The following EFCAB7 variants were observed in gnomAD, a reference collection of about 807,000 sequenced individuals.
The protein encoded by EFCAB7 is EF-hand calcium-binding domain-containing protein 7.
A neutral mutation model predicts 77.1 loss-of-function variants in EFCAB7; 66 were observed. The observed-to-expected ratio is 0.86, with a 90% CI of 0.70 to 1.05. EFCAB7 has a LOEUF of 1.05. Ranked by LOEUF, EFCAB7 falls within the 50% of genes least tolerant of loss-of-function variation. The probability of loss-of-function intolerance (pLI) is 0.00; values close to 1 mark genes in which losing one functional copy is unlikely to be tolerated. For synonymous variants in EFCAB7, 225 were observed against 243.3 expected (o/e 0.92, Z 0.70); for missense variants, 638 against 730.5 (o/e 0.87, Z 1.46).
In EFCAB7 at chr1:63,532,672, A is replaced by T; in HGVS notation, c.402A>T (p.Arg134Ser). 6.3e-7 allele frequency: 1 copy of T among 1,579,184 alleles called. No individual in the cohort carries two copies. Among genetic ancestry groups the T allele is most frequent in the Non-Finnish European group, 8.6e-7 (1 of 1,168,686 alleles). ...TAAATCTTGTTTTTTTTTTTCAGAG[A>T]GGTGAGAAGATGACTCGAGAAGAAG... ...HTDLYKFLTK[R>S]GEKMTREEVN... Residue 134 changes from arginine (R) to serine (S), a missense_variant and splice_region_variant, in exon 4 of 14, where the codon AGA becomes AGT. Coordinates refer to ENST00000371088, the MANE Select transcript of EFCAB7 (RefSeq NM_032437.4).
chr1:63,554,431 C>A (rs967208476), intron 8 of EFCAB7, among the ~76,000 whole-genome samples: 7 of 152,166 alleles, frequency 4.6e-5, no homozygotes, highest in East Asian at 1.9e-4. Flanking sequence ...ACCTCCACCT[C>A]CGGGTTCAAG....
At chr1:63,584,247 AAAAAAGTCAGAC>A in the EFCAB7 span, among the ~76,000 whole-genome samples, 1 of 152,198 alleles carries the variant, frequency 6.6e-6, no homozygotes, top group African/African-American at 2.4e-5. Flanking sequence ...ATGAGAAAGC[AAAAAAGTCAGAC>A]AAAAATTACA....
intron 2 of EFCAB7, among the ~76,000 whole-genome samples, chr1:63,530,920 A>G (rs974941576): frequency 6.6e-6 from 1 of 152,206 alleles, no homozygotes; most frequent in Non-Finnish European, 1.5e-5. Flanking sequence ...TTGACATTTC[A>G]ATACATTTAT....
intron 11 of EFCAB7, among the ~76,000 whole-genome samples, chr1:63,562,473 ATATATATATATATATATATAT>A (rs1647118198): frequency 2.5e-5 from 2 of 81,390 alleles, no homozygotes; most frequent in Admixed American, 1.2e-4. Flanking sequence ...ATATATATAT[ATATATATATATATATATATAT>A]AAAACTTTTT....
At chr1:63,533,409 T>C (rs373427100) in intron 4 of EFCAB7, 45 bp from the exon 5 acceptor site, 2 of 1,440,106 alleles carry the variant, frequency 1.4e-6, no homozygotes, top group Non-Finnish European at 9.6e-7. Flanking sequence ...TCTTCCCCAG[T>C]GTATGATTGA....
chr1:63,536,969 GAGA>G (rs1260295262), intron 6 of EFCAB7, among the ~76,000 whole-genome samples: 1 of 152,166 alleles, frequency 6.6e-6, no homozygotes, highest in Non-Finnish European at 1.5e-5. Flanking sequence ...AATTGGGACA[GAGA>G]AGGAGGGACT....
rs775061735 is a variant in EFCAB7 at position 63,525,769 on chromosome 1, T to A, written c.187+10T>A. 1 of 1,519,656 alleles carries A rather than the reference T, an allele frequency of 6.6e-7. No individual in the cohort carries two copies. The highest frequency in any genetic ancestry group is 1.3e-5 in the South Asian group (1 of 78,368). The allele number at this position is 1,519,656 out of a possible 1,614,324, so 94.1% of individuals were successfully genotyped here. On this transcript the variant is annotated intron_variant, in intron 2 of 13. Coordinates refer to ENST00000371088, the MANE Select transcript of EFCAB7 (RefSeq NM_032437.4). Reference sequence around the variant, plus strand: ...GATCAACTTTACTTAGGTAAATTTTTAAAATTTTTAAATCTTTCACCTTTT... The same window carrying A: ...GATCAACTTTACTTAGGTAAATTTTAAAAATTTTTAAATCTTTCACCTTTT...
At chr1:63,568,118 A>G (rs562475489) in intron 11 of EFCAB7, among the ~76,000 whole-genome samples, 192 bp from the exon 12 acceptor site, 1 of 152,172 alleles carries the variant, frequency 6.6e-6, no homozygotes, top group East Asian at 1.9e-4. Flanking sequence ...GAACATTATC[A>G]GTTAATATGC....
intron 6 of EFCAB7, among the ~76,000 whole-genome samples, chr1:63,539,365 A>G (rs920306183): frequency 6.6e-6 from 1 of 152,222 alleles, no homozygotes; most frequent in African/African-American, 2.4e-5. Flanking sequence ...CTACATTTTT[A>G]AAGTAAGAAA....
At position 63,525,568 on chromosome 1, in the gene EFCAB7, A is replaced by G. The variant is rs200522774; in HGVS notation, c.-1-4A>G. 9.8e-5 allele frequency: 145 copies of G among 1,481,662 alleles called. No homozygotes were observed. In the East Asian group the frequency reaches 2.9e-3, roughly 29 times the overall value. The allele number at this position is 1,481,662 out of a possible 1,614,324, so 91.8% of individuals were successfully genotyped here. The stretch of plus-strand genomic sequence containing the variant: ...AAACACATTTTTAAATTATTTTCCA[A>G]TAGAATGGCGATCAGTCCACGAAGC... On this transcript the variant is annotated splice_region_variant and splice_polypyrimidine_tract_variant and intron_variant, in intron 1 of 13. Coordinates refer to ENST00000371088, the MANE Select transcript of EFCAB7 (RefSeq NM_032437.4).
chr1:63,560,548 A>G (rs217477), intron 10 of EFCAB7, among the ~76,000 whole-genome samples: 75,987 of 135,654 alleles, frequency 0.56, 21,242 homozygotes, highest in East Asian at 0.68. Flanking sequence ...ACTGAGTCTC[A>G]CTCTGTCACC....
At chr1:63,545,805 A>G (rs1484528182) in intron 6 of EFCAB7, 111 bp from the exon 7 acceptor site, 2 of 889,182 alleles carry the variant, frequency 2.2e-6, no homozygotes, top group Admixed American at 2.5e-5. Context: ...CTGGAGAGCA[A>G]TGATTATATT....
intron 12 of EFCAB7, 26 bp from the exon 13 acceptor site, chr1:63,570,995 C>A: frequency 6.7e-7 from 1 of 1,485,628 alleles, no homozygotes; most frequent in South Asian, 1.2e-5. Context: ...AAAGGAATAG[C>A]AGCTTATGAA....
downstream of EFCAB7, among the ~76,000 whole-genome samples, chr1:63,574,772 G>C (rs1230864146): frequency 1.3e-5 from 2 of 152,278 alleles, no homozygotes; most frequent in East Asian, 3.9e-4. Context: ...CCATATAACA[G>C]CATGGTGGTG....
At chr1:63,537,974 T>G (rs1646782670) in intron 6 of EFCAB7, among the ~76,000 whole-genome samples, 1 of 152,222 alleles carries the variant, frequency 6.6e-6, no homozygotes, top group Admixed American at 6.5e-5. Context: ...ACTATACTGA[T>G]GTATTTGTTT....
chr1:63,531,828 C>A lies in EFCAB7; in HGVS notation c.196C>A (p.His66Asn). The change falls in exon 3 of 14, where the codon CAT becomes AAT. Residue 66 changes from histidine to asparagine, a missense_variant. Transcript: ENST00000371088. ...SKDQLYLALQ[H>N]AGRNPSQKTI... ...CTTGTCTTGTTGGGCAGCTCTTCAG[C>A]ATGCAGGAAGAAATCCATCCCAAAA... 6.2e-7 allele frequency: 1 copy of A among 1,611,248 alleles called. No individual in the cohort carries two copies. The highest frequency in any genetic ancestry group is 8.5e-7 in the Non-Finnish European group (1 of 1,178,834).
intron 8 of EFCAB7, 136 bp downstream of exon 8, chr1:63,551,970 A>G (rs1646971030): frequency 6.8e-6 from 2 of 296,072 alleles, no homozygotes; most frequent in Non-Finnish European, 1.2e-5. Context: ...CTTAAACACT[A>G]TAGATATTAT....
At chr1:63,567,099 C>G (rs1352912820) in intron 11 of EFCAB7, among the ~76,000 whole-genome samples, 1 of 152,006 alleles carries the variant, frequency 6.6e-6, no homozygotes, top group African/African-American at 2.4e-5. Flanking sequence ...ATAAAATAGT[C>G]AAAGTTCCTG....
intron 12 of EFCAB7, 102 bp downstream of exon 12, chr1:63,568,621 C>A: frequency 1.2e-6 from 1 of 859,962 alleles, no homozygotes; most frequent in Non-Finnish European, 1.7e-6. Flanking sequence ...AGTATCCCAT[C>A]ACATTAATAA....
Sources: allele counts gnomAD v4.1 joint callset (sites outside exome capture counted in the v4.1 genomes callset), GRCh38; gene constraint gnomAD v4.1.1; transcripts MANE v1.5; gene names NCBI Gene and HGNC (gene_info 2026-07-23, HGNC 2026-07-21).